The following C2orf76 variants were observed in gnomAD, a reference collection of about 807,000 sequenced individuals.
C2orf76 encodes the protein UPF0538 protein C2orf76.
In C2orf76, 23 loss-of-function variants were observed where a neutral mutation model predicts 16.9. The observed-to-expected ratio is 1.36, with a 90% CI of 0.98 to 1.93. The LOEUF (loss-of-function observed/expected upper bound fraction) is 1.93. C2orf76 is among the 30% of genes most tolerant of loss of function. The pLI is 0.00. For synonymous variants in C2orf76, 48 were observed against 52.3 expected, an observed-to-expected ratio of 0.92 and a Z score of 0.35; for missense variants, 152 against 152.6, an observed-to-expected ratio of 1.00 and a Z score of 0.02.
chr2:119,316,213 T>C (rs971506326), intron 4 of C2orf76, among the ~76,000 whole-genome samples: 8 of 152,232 alleles, frequency 5.3e-5, no homozygotes, highest in African/African-American at 1.7e-4. Flanking sequence ...AGGAGAGAAA[T>C]TGGACGAAGT....
At chr2:119,317,526 C>G in intron 3 of C2orf76, 23 bp from the exon 4 acceptor site, 1 of 1,583,524 alleles carries the variant, frequency 6.3e-7, no homozygotes, top group Non-Finnish European at 8.6e-7. Context: ...AGCAAGTTAT[C>G]TTTTTACACA....
the C2orf76 span, among the ~76,000 whole-genome samples, chr2:119,291,235 C>A: frequency 6.6e-6 from 1 of 151,904 alleles, no homozygotes. Flanking sequence ...TCGGCTGGTG[C>A]CTGGCAGGTA....
intron 5 of C2orf76, among the ~76,000 whole-genome samples, chr2:119,309,008 C>T (rs1014857851): frequency 4.6e-5 from 7 of 152,110 alleles, no homozygotes; most frequent in African/African-American, 1.7e-4. Context: ...CCAAGGTCAC[C>T]CAGACAGTAA....
At chr2:119,362,308 A>C (rs770509160) in intron 1 of C2orf76, among the ~76,000 whole-genome samples, 31 of 152,218 alleles carry the variant, frequency 2.0e-4, no homozygotes, top group Admixed American at 2.6e-4. Flanking sequence ...GTTAAGTTTT[A>C]GGGTAGTCAA....
chr2:119,333,165 C>T (rs1437922772), intron 2 of C2orf76, among the ~76,000 whole-genome samples: 5 of 152,198 alleles, frequency 3.3e-5, no homozygotes, highest in African/African-American at 1.2e-4. Context: ...CGTGATAAGG[C>T]AATAATACAT....
intron 2 of C2orf76, among the ~76,000 whole-genome samples, chr2:119,331,767 T>G (rs554952909): frequency 6.6e-6 from 1 of 152,354 alleles, no homozygotes; most frequent in East Asian, 1.9e-4. Flanking sequence ...TTTAGTTGTT[T>G]AATGTAGAAG....
At chr2:119,287,058 C>T in the C2orf76 span, among the ~76,000 whole-genome samples, 443 of 152,250 alleles carry the variant, frequency 2.9e-3, 4 homozygotes, top group Non-Finnish European at 2.7e-3. Flanking sequence ...TGGGAAACCT[C>T]GGGCAGGTCA....
intron 1 of C2orf76, among the ~76,000 whole-genome samples, chr2:119,353,361 A>T (rs1680463925): frequency 6.6e-6 from 1 of 152,186 alleles, no homozygotes; most frequent in Non-Finnish European, 1.5e-5. Flanking sequence ...ATGACAAATT[A>T]AAATTAATTC....
rs181067754 is a variant in C2orf76, at chr2:119,312,891, G to A, written c.223-1188C>T. 4.1e-3 allele frequency among the ~76,000 whole-genome samples: 618 copies of A among 152,182 alleles called. 1 individual carries two copies. The highest frequency in any genetic ancestry group is 6.4e-3 in the Non-Finnish European group (432 of 67,996). On this transcript the variant is annotated intron_variant, in intron 4 of 5. Coordinates refer to ENST00000334816, the MANE Select transcript of C2orf76 (RefSeq NM_001322331.2). Reference sequence around the variant, plus strand: ...AAATACAAAAAAATTAGCCGGGAGCGGTGGCAGGTGCCTGTAGTCCCAGCT... The same window carrying A: ...AAATACAAAAAAATTAGCCGGGAGCAGTGGCAGGTGCCTGTAGTCCCAGCT...
intron 5 of C2orf76, among the ~76,000 whole-genome samples, chr2:119,304,145 C>G (rs6542518): frequency 0.71 from 108,407 of 152,146 alleles, 39,619 homozygotes; most frequent in African/African-American, 0.89. Context: ...TTTTTTGAAG[C>G]AAAGCATGCC....
rs1679968848 is a variant in C2orf76 at position 119,339,863 on chromosome 2, G to A, written c.97C>T (p.Gln33Ter). 1.2e-6 allele frequency: 2 copies of A among 1,609,424 alleles called. No individual in the cohort carries two copies. The highest frequency in any genetic ancestry group is 1.1e-5 in the South Asian group (1 of 90,882). ...PVVYHGVNLDQTVKEFIVFLK... is the reference protein window; with the variant it reads ...PVVYHGVNLD ...AATACGATAAATTCCTTTACAGTTT[G>A]GTCCAAATTCACTCCGTGATACACT... Residue 33 changes from glutamine (Q) to a stop codon, truncating the protein, a stop_gained, in exon 2 of 6, where the codon CAA (glutamine) becomes TAA (stop). Transcript: ENST00000334816. LOFTEE classifies it high-confidence loss of function.
chr2:119,351,468 C>T (rs865989676), intron 1 of C2orf76, among the ~76,000 whole-genome samples: 2 of 152,060 alleles, frequency 1.3e-5, no homozygotes, highest in South Asian at 4.1e-4. Flanking sequence ...GAAGGCAGAG[C>T]GACTGGGCAC....
At chr2:119,336,775 A>G (rs961772394) in intron 2 of C2orf76, among the ~76,000 whole-genome samples, 5 of 152,302 alleles carry the variant, frequency 3.3e-5, no homozygotes, top group African/African-American at 1.2e-4. Flanking sequence ...CTGTATCTGT[A>G]CAAAATTCCC....
intron 1 of C2orf76, among the ~76,000 whole-genome samples, chr2:119,343,813 A>G (rs1680114718): frequency 6.6e-6 from 1 of 152,194 alleles, no homozygotes; most frequent in Non-Finnish European, 1.5e-5. Flanking sequence ...AAGTCGTTCC[A>G]TTAATTTAAG....
At chr2:119,283,395 C>T in the C2orf76 span, among the ~76,000 whole-genome samples, 110 of 152,356 alleles carry the variant, frequency 7.2e-4, no homozygotes, top group African/African-American at 2.5e-3. Context: ...CTGCCTCCTC[C>T]TTCCTGCTTT....
At chr2:119,319,240 G>A (rs556620394) in intron 3 of C2orf76, among the ~76,000 whole-genome samples, 11 of 152,118 alleles carry the variant, frequency 7.2e-5, no homozygotes, top group South Asian at 6.2e-4. Flanking sequence ...ACAATTAAAC[G>A]GCTACATATT....
chr2:119,326,896 T>C (rs1409110382), intron 2 of C2orf76, among the ~76,000 whole-genome samples: 9 of 152,252 alleles, frequency 5.9e-5, no homozygotes, highest in Non-Finnish European at 1.3e-4. Context: ...ACACTGATCT[T>C]ATATCTTAAT....
At chr2:119,306,697 T>C (rs528858431) in intron 5 of C2orf76, among the ~76,000 whole-genome samples, 15 of 152,206 alleles carry the variant, frequency 9.9e-5, no homozygotes, top group African/African-American at 3.6e-4. Context: ...TGACAAAAAA[T>C]TATAAGTAAC....
At chr2:119,325,457 CAA>C (rs59581840) in intron 2 of C2orf76, among the ~76,000 whole-genome samples, 6 of 59,778 alleles carry the variant, frequency 1.0e-4, no homozygotes, top group East Asian at 1.2e-3. Flanking sequence ...AAGACTGTCT[CAA>C]AAAAAAAAAA....
Sources: gnomAD v4.1 joint callset for allele counts (sites outside exome capture counted in the v4.1 genomes callset) on GRCh38, gnomAD v4.1.1 for gene constraint, MANE v1.5 for transcripts, NCBI Gene and HGNC (gene_info 2026-07-23, HGNC 2026-07-21) for gene names.